DOK6: variants seen among roughly 807,000 people sequenced by gnomAD.
DOK6 encodes the protein docking protein 6, also known as downstream of tyrosine kinase 6.
DOK6 carries 22 observed loss-of-function variants against 44.0 expected under a neutral mutation model. The ratio of observed to expected loss-of-function variants is 0.50; its 90% CI spans 0.36 to 0.71. The LOEUF is 0.71. Ranked by LOEUF, DOK6 falls within the 30% of genes least tolerant of loss-of-function variation. The pLI is 0.00. For synonymous variants in DOK6, 166 were observed against 145.5 expected (o/e 1.14, Z -1.01); for missense variants, 340 against 416.4 (o/e 0.82, Z 1.60).
intron 1 of DOK6, among the ~76,000 whole-genome samples, chr18:69,551,929 A>T (rs182217122): frequency 3.5e-4 from 54 of 152,340 alleles, no homozygotes; most frequent in Non-Finnish European, 6.8e-4. Flanking sequence ...CATAAATAAT[A>T]AAAAATAATT....
At chr18:69,478,493 AC>A (rs1454919938) in intron 1 of DOK6, among the ~76,000 whole-genome samples, 4 of 152,072 alleles carry the variant, frequency 2.6e-5, no homozygotes, top group Non-Finnish European at 5.9e-5. Flanking sequence ...CTAATCTAAA[AC>A]AAATGGGAAA....
At chr18:69,406,068 T>G (rs1042558793) in intron 1 of DOK6, among the ~76,000 whole-genome samples, 6 of 152,226 alleles carry the variant, frequency 3.9e-5, no homozygotes, top group African/African-American at 1.4e-4. Context: ...TGAACTCTAT[T>G]TGATTCTAGA....
intron 3 of DOK6, among the ~76,000 whole-genome samples, chr18:69,628,602 A>G (rs1468863361): frequency 6.6e-6 from 1 of 152,190 alleles, no homozygotes; most frequent in African/African-American, 2.4e-5. Flanking sequence ...ATGTTCCTCC[A>G]GGAGGGATAT....
chr18:69,704,439 G>A (rs952185669), intron 5 of DOK6, among the ~76,000 whole-genome samples: 4 of 147,522 alleles, frequency 2.7e-5, no homozygotes, highest in South Asian at 2.1e-4. Flanking sequence ...GTCTGCAGGC[G>A]ATTTGTAGCA....
rs1156333837 is a variant in DOK6, at chr18:69,684,510, G to A, written c.409+6657G>A. On this transcript the variant is annotated intron_variant, in intron 4 of 7. Transcript: ENST00000382713. ...GAAAGTATTCACAGCTATGTAAGGA[G>A]AAAAGCTTATGGGGGAGAATACTGA... is the stretch of plus-strand genomic sequence containing the variant. Among the ~76,000 whole-genome samples the A allele has an allele frequency of 4.6e-5, 7 of 152,184 alleles. 1 individual carries two copies. Among genetic ancestry groups the A allele is most frequent in the Admixed American group, 1.3e-4 (2 of 15,278 alleles).
intron 5 of DOK6, among the ~76,000 whole-genome samples, chr18:69,727,411 G>T (rs1220357493): frequency 2.0e-5 from 3 of 152,106 alleles, no homozygotes; most frequent in Non-Finnish European, 4.4e-5. Flanking sequence ...TTTAATTTTG[G>T]CTTTTTGTGT....
chr18:69,480,792 G>C (rs1980395791), intron 1 of DOK6, among the ~76,000 whole-genome samples: 1 of 152,116 alleles, frequency 6.6e-6, no homozygotes, highest in Non-Finnish European at 1.5e-5. Context: ...TATAGGCTGA[G>C]GGACAATAAT....
chr18:69,404,517 T>A (rs78575946), intron 1 of DOK6, among the ~76,000 whole-genome samples: 9,618 of 152,214 alleles, frequency 0.063, 360 homozygotes, highest in East Asian at 0.14. Context: ...TGTGGAGTGA[T>A]CATCATCATC....
intron 1 of DOK6, among the ~76,000 whole-genome samples, chr18:69,502,855 A>T (rs1274516902): frequency 6.6e-6 from 1 of 152,124 alleles, no homozygotes; most frequent in Non-Finnish European, 1.5e-5. Flanking sequence ...AGACTGACTG[A>T]ACTATTTAAA....
intron 7 of DOK6, among the ~76,000 whole-genome samples, chr18:69,816,958 G>T (rs1300199932): frequency 6.6e-6 from 1 of 152,178 alleles, no homozygotes; most frequent in African/African-American, 2.4e-5. Flanking sequence ...GTCTGTATTT[G>T]GTGCTTCATG....
rs1244264279 is a variant in DOK6 at position 69,462,486 on chromosome 18, G to C, written c.66+61176G>C. ...GACATCAGCTTTTCATGAATATTTT[G>C]ATTACATTATTGCTTCTTTCAATTT... On this transcript the variant is annotated intron_variant, in intron 1 of 7. Coordinates refer to ENST00000382713, the MANE Select transcript of DOK6 (RefSeq NM_152721.6). 2.6e-5 allele frequency among the ~76,000 whole-genome samples: 4 copies of C among 152,078 alleles called. 1 individual carries two copies. The highest frequency in any genetic ancestry group is 2.6e-4 in the Admixed American group (4 of 15,256).
chr18:69,768,919 A>G (rs1979801407), intron 7 of DOK6, among the ~76,000 whole-genome samples: 1 of 142,874 alleles, frequency 7.0e-6, no homozygotes, highest in Admixed American at 7.2e-5. Flanking sequence ...ATATGTTTAT[A>G]TAAGAGGAAT....
At chr18:69,833,622 C>T (rs374579057) in intron 7 of DOK6, among the ~76,000 whole-genome samples, 36 of 152,076 alleles carry the variant, frequency 2.4e-4, no homozygotes, top group African/African-American at 7.0e-4. Context: ...ATAAATGAGA[C>T]GACCTAAAGA....
chr18:69,716,692 CAAAAA>C (rs11351701), intron 5 of DOK6, among the ~76,000 whole-genome samples: 3 of 104,748 alleles, frequency 2.9e-5, no homozygotes, highest in South Asian at 3.3e-4. Context: ...GCAGAATTGA[CAAAAA>C]AAAAAAAAAA....
chr18:69,632,161 T>A (rs1445709304), intron 3 of DOK6, among the ~76,000 whole-genome samples: 1 of 152,210 alleles, frequency 6.6e-6, no homozygotes, highest in Non-Finnish European at 1.5e-5. Flanking sequence ...TGGTACATAC[T>A]TTATCACTAA....
At chr18:69,647,962 T>A (rs1049542329) in intron 3 of DOK6, among the ~76,000 whole-genome samples, 1 of 152,164 alleles carries the variant, frequency 6.6e-6, no homozygotes, top group Non-Finnish European at 1.5e-5. Context: ...AATGAATTTA[T>A]CTTTATTCAT....
At chr18:69,578,270 A>G (rs1457786071) in intron 2 of DOK6, among the ~76,000 whole-genome samples, 1 of 152,146 alleles carries the variant, frequency 6.6e-6, no homozygotes, top group Non-Finnish European at 1.5e-5. Flanking sequence ...AATTTAAACA[A>G]CATATTTCCC....
chr18:69,514,617 T>C (rs892852560), intron 1 of DOK6, among the ~76,000 whole-genome samples: 1 of 152,126 alleles, frequency 6.6e-6, no homozygotes, highest in African/African-American at 2.4e-5. Context: ...ATTTTATTAA[T>C]TTATATTGGG....
At position 69,454,662 on chromosome 18, in the gene DOK6, A is replaced by C. The variant is rs1032683724; in HGVS notation, c.66+53352A>C. The stretch of plus-strand genomic sequence containing the variant: ...TAGCAAAGACTTGGAACCAACCCAA[A>C]TGTCCAACAATTATAGACTGGATTA... On this transcript the variant is annotated intron_variant, in intron 1 of 7. Coordinates refer to ENST00000382713, the MANE Select transcript of DOK6 (RefSeq NM_152721.6). Among the ~76,000 whole-genome samples, 13 of 120,370 alleles carry C rather than the reference A, an allele frequency of 1.1e-4. 2 individuals carry two copies. The highest frequency in any genetic ancestry group is 3.8e-4 in the African/African-American group (13 of 34,184). The allele number at this position is 120,370 out of a possible 152,430, so 79.0% of individuals were successfully genotyped here. A position where few individuals can be genotyped will look rare whatever the true frequency, so the allele number is the denominator to read the frequency against.
Sources: allele counts gnomAD v4.1 joint callset (sites outside exome capture counted in the v4.1 genomes callset), GRCh38; gene constraint gnomAD v4.1.1; transcripts MANE v1.5; gene names NCBI Gene and HGNC (gene_info 2026-07-23, HGNC 2026-07-21).